The following PDSS2 variants were observed in gnomAD, a reference collection of about 807,000 sequenced individuals.
The protein encoded by PDSS2 is decaprenyl diphosphate synthase subunit 2, also known as all trans-polyprenyl-diphosphate synthase PDSS2.
In PDSS2, 31 loss-of-function variants were observed where a neutral mutation model predicts 44.5. The observed-to-expected ratio is 0.70, with a 90% CI of 0.52 to 0.94. The LOEUF (loss-of-function observed/expected upper bound fraction) is 0.94. Among genes scored for constraint, PDSS2 ranks in the 40% least tolerant of loss-of-function variants. The pLI is 0.00. For synonymous variants in PDSS2, 157 were observed against 180.3 expected (o/e 0.87, Z 1.03); for missense variants, 452 against 482.2 (o/e 0.94, Z 0.59).
chr6:107,350,314 G>C (rs573797487), intron 1 of PDSS2, among the ~76,000 whole-genome samples: 3 of 152,190 alleles, frequency 2.0e-5, no homozygotes, highest in Non-Finnish European at 4.4e-5. Flanking sequence ...TCACACACCA[G>C]AGCAGGAAAA....
rs775179482 is a variant in PDSS2, at chr6:107,334,177, A to G, written c.431+21T>C. ...AAAACACGATGTAGAGAGCAATGTC[A>G]AAAGACTAAATTCTTCTTACCATGA... On this transcript the variant is annotated intron_variant, in intron 2 of 7. Coordinates refer to ENST00000369037, the MANE Select transcript of PDSS2 (RefSeq NM_020381.4). The G allele has an allele frequency of 1.1e-5, 18 of 1,610,948 alleles. No homozygotes were observed. In the South Asian group the frequency reaches 1.5e-4, roughly 14 times the overall value.
intron 4 of PDSS2, among the ~76,000 whole-genome samples, chr6:107,221,186 C>CA (rs1773590372): frequency 6.6e-6 from 1 of 151,842 alleles, no homozygotes; most frequent in Non-Finnish European, 1.5e-5. Flanking sequence ...ACCAAAAATG[C>CA]AAAAAATTAG....
chr6:107,368,460 C>T (rs1315277520), intron 1 of PDSS2, among the ~76,000 whole-genome samples: 1 of 152,058 alleles, frequency 6.6e-6, no homozygotes, highest in Non-Finnish European at 1.5e-5. Context: ...TTCATTTTTA[C>T]AGGTTGGAAG....
intron 1 of PDSS2, among the ~76,000 whole-genome samples, chr6:107,365,753 T>C (rs1397909489): frequency 1.3e-5 from 2 of 152,140 alleles, no homozygotes; most frequent in African/African-American, 2.4e-5. Context: ...AATAGACACT[T>C]AGATAAGAAA....
At chr6:107,286,126 C>A (rs1389542224) in intron 2 of PDSS2, among the ~76,000 whole-genome samples, 1 of 19,402 alleles carries the variant, frequency 5.2e-5, no homozygotes, top group African/African-American at 1.8e-4. Flanking sequence ...AGCAAAACTT[C>A]GTCGCAAAAT....
At chr6:107,352,352 C>A (rs895397435) in intron 1 of PDSS2, among the ~76,000 whole-genome samples, 2 of 152,138 alleles carry the variant, frequency 1.3e-5, no homozygotes, top group Non-Finnish European at 2.9e-5. Context: ...TGAATACATG[C>A]AAAGAATATG....
chr6:107,202,392 C>CAAACAAAACA (rs554174397), intron 6 of PDSS2, among the ~76,000 whole-genome samples: 7 of 151,124 alleles, frequency 4.6e-5, no homozygotes, highest in African/African-American at 1.7e-4. Flanking sequence ...AAAAAAAAAA[C>CAAACAAAACA]AAACAAAACA....
At chr6:107,322,805 A>G (rs1268161834) in intron 2 of PDSS2, among the ~76,000 whole-genome samples, 2 of 152,226 alleles carry the variant, frequency 1.3e-5, no homozygotes, top group East Asian at 3.8e-4. Context: ...CCTGGGCAAC[A>G]GAGGGAGACC....
intron 1 of PDSS2, among the ~76,000 whole-genome samples, chr6:107,363,686 G>C (rs894548886): frequency 1.3e-5 from 2 of 152,126 alleles, no homozygotes; most frequent in Admixed American, 6.5e-5. Flanking sequence ...ATACTGGCTC[G>C]GGCAGCCTGC....
rs188321919 is a variant in PDSS2, at chr6:107,447,131, A to G, written c.296+11859T>C. ...GGCGGATCACGAGGTCAGGAGATCG[A>G]GACCATCCTGGCTAACACGGTGAAA... On this transcript the variant is annotated intron_variant, in intron 1 of 7. Transcript: ENST00000369037. Among the ~76,000 whole-genome samples the G allele has an allele frequency of 5.3e-3, 810 of 152,178 alleles. 5 individuals carry two copies. The highest frequency in any genetic ancestry group is 0.019 in the African/African-American group (778 of 41,532).
At chr6:107,264,520 G>T in intron 3 of PDSS2, 1 of 1,444,924 alleles carries the variant, frequency 6.9e-7, no homozygotes, top group South Asian at 1.3e-5. Context: ...TGACTACAAA[G>T]AAAAAAAAAT....
intron 2 of PDSS2, among the ~76,000 whole-genome samples, chr6:107,328,857 T>TGAAC (rs1279602209): frequency 6.6e-6 from 1 of 152,250 alleles, no homozygotes; most frequent in African/African-American, 2.4e-5. Context: ...TTTGTCCCAC[T>TGAAC]GAACACCTAG....
intron 6 of PDSS2, among the ~76,000 whole-genome samples, chr6:107,194,699 C>G (rs1425185236): frequency 3.3e-5 from 5 of 152,200 alleles, no homozygotes; most frequent in African/African-American, 1.2e-4. Context: ...CGCCTGTAAT[C>G]CCAGCACTTT....
intron 7 of PDSS2, among the ~76,000 whole-genome samples, chr6:107,170,606 ACCCCCC>A (rs201361243): frequency 0.38 from 37,081 of 97,070 alleles, 5,415 homozygotes; most frequent in Middle Eastern, 0.51. Context: ...TCTTGGAACC[ACCCCCC>A]CCCCCCCACT....
chr6:107,276,356 C>G (rs2114955934), intron 2 of PDSS2, among the ~76,000 whole-genome samples: 1 of 152,252 alleles, frequency 6.6e-6, no homozygotes, highest in Non-Finnish European at 1.5e-5. Context: ...ATGGAAGTGA[C>G]AACTGTGGTT....
chr6:107,339,025 T>C (rs1777997594), intron 1 of PDSS2, among the ~76,000 whole-genome samples: 1 of 152,148 alleles, frequency 6.6e-6, no homozygotes. Flanking sequence ...AGCCAGGCCG[T>C]AAGTATTACT....
intron 1 of PDSS2, among the ~76,000 whole-genome samples, chr6:107,406,434 T>C (rs1780322997): frequency 6.6e-6 from 1 of 152,196 alleles, no homozygotes; most frequent in Admixed American, 6.5e-5. Flanking sequence ...AACCTTTTTA[T>C]AGTCTAAATC....
intron 1 of PDSS2, among the ~76,000 whole-genome samples, chr6:107,376,551 T>C (rs1419841835): frequency 6.6e-6 from 1 of 152,236 alleles, no homozygotes; most frequent in East Asian, 1.9e-4. Flanking sequence ...ACTCATGATT[T>C]GGCTCTCTGT....
At chr6:107,290,617 G>A (rs1776312050) in intron 2 of PDSS2, among the ~76,000 whole-genome samples, 1 of 151,336 alleles carries the variant, frequency 6.6e-6, no homozygotes, top group South Asian at 2.1e-4. Context: ...CCTTAAACAT[G>A]CCAAGCCTAT....
Sources: gnomAD v4.1 joint callset for allele counts (sites outside exome capture counted in the v4.1 genomes callset) on GRCh38, gnomAD v4.1.1 for gene constraint, MANE v1.5 for transcripts, NCBI Gene and HGNC (gene_info 2026-07-23, HGNC 2026-07-21) for gene names.